Variants in MCM6 observed in about 807,000 individuals in gnomAD.
MCM6 encodes minichromosome maintenance complex component 6, also known as DNA replication licensing factor MCM6.
A neutral mutation model predicts 94.3 loss-of-function variants in MCM6; 46 were observed. The observed-to-expected ratio is 0.49, with a 90% CI of 0.39 to 0.62. The LOEUF is 0.62. MCM6 is among the 20% of genes least tolerant of loss of function. The probability of loss-of-function intolerance (pLI) is 0.00; values close to 1 mark genes in which losing one functional copy is unlikely to be tolerated. For synonymous variants in MCM6, 335 were observed against 351.9 expected, an observed-to-expected ratio of 0.95 and a Z score of 0.54; for missense variants, 865 against 1,017.9, an observed-to-expected ratio of 0.85 and a Z score of 2.04.
At position 135,852,831 on chromosome 2, in the gene MCM6, C is replaced by G; in HGVS notation, c.1711G>C (p.Asp571His). 6.2e-7 allele frequency: 1 copy of G among 1,609,828 alleles called. No homozygotes were observed. The highest frequency in any genetic ancestry group is 1.1e-5 in the South Asian group (1 of 90,316). Residue 571 changes from aspartate to histidine, a missense_variant, in exon 12 of 17, where the codon GAT becomes CAT. Asp to His is a moderately conservative substitution (Grantham distance 81, BLOSUM62 -1). Coordinates refer to ENST00000264156, the MANE Select transcript of MCM6 (RefSeq NM_005915.6). Reference sequence around the variant, plus strand: ...GCAAAGAGAAGATATCTTCTGATATCATCGAGGGAATAGACACGATCAATT... The same window carrying G: ...GCAAAGAGAAGATATCTTCTGATATGATCGAGGGAATAGACACGATCAATT... ...ESIDRVYSLD[D>H]IRRYLLFARQ...
At chr2:135,872,956 T>C (rs1158431034) in intron 1 of MCM6, 113 bp from the exon 2 acceptor site, 7 of 1,318,282 alleles carry the variant, frequency 5.3e-6, no homozygotes, top group South Asian at 1.4e-5. Flanking sequence ...AGGCCCATGT[T>C]TGGCAGTTCT....
chr2:135,862,559 G>C, intron 8 of MCM6, 48 bp downstream of exon 8: 1 of 1,606,396 alleles, frequency 6.2e-7, no homozygotes, highest in Non-Finnish European at 8.5e-7. Flanking sequence ...GCCAGCCTGG[G>C]AACTATGTAC....
intron 14 of MCM6, 27 bp downstream of exon 14, chr2:135,848,026 A>C (rs1285646969): frequency 1.3e-6 from 2 of 1,582,316 alleles, no homozygotes; most frequent in South Asian, 1.1e-5. Flanking sequence ...CCTAACTCCA[A>C]AACAGTCACA....
intron 7 of MCM6, among the ~76,000 whole-genome samples, chr2:135,864,408 T>C (rs541077109): frequency 6.6e-6 from 1 of 152,106 alleles, no homozygotes; most frequent in Admixed American, 6.5e-5. Context: ...GGAGGTAGGG[T>C]TGCTTTAGCC....
At chr2:135,854,287 C>T (rs1679830570) in intron 11 of MCM6, among the ~76,000 whole-genome samples, 2 of 151,710 alleles carry the variant, frequency 1.3e-5, no homozygotes, top group African/African-American at 2.4e-5. Flanking sequence ...AACCTCAGCA[C>T]GTTGGGAGGC....
chr2:135,861,069 A>G (rs1679982753), intron 8 of MCM6, among the ~76,000 whole-genome samples: 1 of 152,202 alleles, frequency 6.6e-6, no homozygotes, highest in African/African-American at 2.4e-5. Context: ...GAAAAAAAAA[A>G]GAATCCTTTG....
chr2:135,858,744 G>T (rs996918719), intron 9 of MCM6, among the ~76,000 whole-genome samples: 3 of 152,190 alleles, frequency 2.0e-5, no homozygotes, highest in Non-Finnish European at 4.4e-5. Flanking sequence ...ACTCAGGATT[G>T]ATTTTATACC....
intron 16 of MCM6, among the ~76,000 whole-genome samples, chr2:135,841,753 C>G (rs1278107322): frequency 6.6e-6 from 1 of 152,144 alleles, no homozygotes; most frequent in African/African-American, 2.4e-5. Context: ...CTCATCAGCA[C>G]AGTATAAGCT....
At chr2:135,870,169 C>A in intron 3 of MCM6, 82 bp downstream of exon 3, 1 of 981,888 alleles carries the variant, frequency 1.0e-6, no homozygotes, top group Non-Finnish European at 1.6e-6. Context: ...ATCAAGGCAA[C>A]CTCTCAAGTT....
Position 135,852,922 on chromosome 2 carries a change from C to A in MCM6, c.1627-7G>T, listed in dbSNP as rs750609337. ...CAATGGCATAATCTGTAACCTAATT[C>A]AAAACAAAAAAATCACTTTGATAGT... is the stretch of plus-strand genomic sequence containing the variant. On this transcript the variant is annotated splice_polypyrimidine_tract_variant and splice_region_variant and intron_variant, in intron 11 of 16. Transcript: ENST00000264156. The A allele has an allele frequency of 3.8e-6, 6 of 1,580,696 alleles. No homozygotes were observed. In the Admixed American group the frequency reaches 5.8e-5, roughly 15 times the overall value.
intron 16 of MCM6, among the ~76,000 whole-genome samples, chr2:135,844,116 AT>A (rs1347437120): frequency 1.3e-5 from 2 of 151,226 alleles, no homozygotes; most frequent in Non-Finnish European, 2.9e-5. Context: ...TTAGATAAGG[AT>A]ACAAAAAAAA....
intron 11 of MCM6, among the ~76,000 whole-genome samples, chr2:135,855,547 T>C (rs577957400): frequency 2.0e-5 from 3 of 152,266 alleles, no homozygotes; most frequent in South Asian, 4.1e-4. Context: ...AGAGCTGTAG[T>C]CTCAGCTACT....
chr2:135,862,457 G>T, intron 8 of MCM6, 150 bp downstream of exon 8: 1 of 830,506 alleles, frequency 1.2e-6, no homozygotes, highest in Non-Finnish European at 1.8e-6. Flanking sequence ...GTACAATGTT[G>T]CCATAACTTT....
chr2:135,863,137 T>C (rs1031719115), intron 7 of MCM6, among the ~76,000 whole-genome samples: 1 of 152,224 alleles, frequency 6.6e-6, no homozygotes, highest in Non-Finnish European at 1.5e-5. Flanking sequence ...CCAGTTCTTA[T>C]AGTTCTGTGA....
intron 15 of MCM6, 80 bp from the exon 16 acceptor site, chr2:135,844,764 C>T (rs996727115): frequency 2.4e-5 from 33 of 1,377,600 alleles, no homozygotes; most frequent in South Asian, 5.1e-5. Flanking sequence ...ACATATACAA[C>T]GAGATAATGT....
chr2:135,857,642 T>C (rs975062108), intron 10 of MCM6, among the ~76,000 whole-genome samples: 6 of 152,210 alleles, frequency 3.9e-5, no homozygotes, highest in Non-Finnish European at 5.9e-5. Flanking sequence ...TTTGTTATAA[T>C]TGGAGCATGC....
rs144412793 is a variant in MCM6, at chr2:135,850,966, C to T, written c.1917+436G>A. Among the ~76,000 whole-genome samples the T allele has an allele frequency of 3.9e-5, 6 of 152,256 alleles. No individual in the cohort carries two copies. The South Asian group carries it at 8.3e-4, about 21-fold the overall frequency. ...CTTTCGTACTACTCCCCTTTTACCT[C>T]GTTAATACCCACTGACCTATCCTCG... is the stretch of plus-strand genomic sequence containing the variant. On this transcript the variant is annotated intron_variant, in intron 13 of 16. Transcript: ENST00000264156.
chr2:135,870,222 T>TC, intron 3 of MCM6, 29 bp downstream of exon 3: 1 of 1,541,558 alleles, frequency 6.5e-7, no homozygotes. Flanking sequence ...TTTGGTGAAT[T>TC]CCTTTTTTTC....
At chr2:135,870,651 A>G (rs941677952) in intron 2 of MCM6, among the ~76,000 whole-genome samples, 3 of 152,226 alleles carry the variant, frequency 2.0e-5, no homozygotes, top group African/African-American at 7.2e-5. Context: ...GTCCAAGATG[A>G]CTAGCTGAAC....
Sources: gnomAD v4.1 joint callset for allele counts (sites outside exome capture counted in the v4.1 genomes callset) on GRCh38, gnomAD v4.1.1 for gene constraint, MANE v1.5 for transcripts, NCBI Gene and HGNC (gene_info 2026-07-23, HGNC 2026-07-21) for gene names.